Variants in FAT3 observed in about 807,000 individuals in gnomAD.
FAT3 encodes the protein protocadherin Fat 3.
FAT3 carries 95 observed loss-of-function variants against 310.2 expected under a neutral mutation model. The ratio of observed to expected loss-of-function variants is 0.31; its 90% CI spans 0.26 to 0.36. The LOEUF (loss-of-function observed/expected upper bound fraction) is 0.36. Ranked by LOEUF, FAT3 falls within the 10% of genes least tolerant of loss-of-function variation. The probability of loss-of-function intolerance (pLI) is 1.00; values close to 1 mark genes in which losing one functional copy is unlikely to be tolerated. For synonymous variants in FAT3, 2,314 were observed against 2,192.9 expected (o/e 1.06, Z -1.54); for missense variants, 5,408 against 5,715.6 (o/e 0.95, Z 1.74).
intron 3 of FAT3, among the ~76,000 whole-genome samples, chr11:92,671,520 C>G (rs1321480590): frequency 1.3e-5 from 2 of 151,984 alleles, no homozygotes; most frequent in Non-Finnish European, 2.9e-5. Flanking sequence ...TGTCCTTCTC[C>G]CAGGACTCAC....
At chr11:92,330,937 CTTG>C (rs1947902365) in intron 1 of FAT3, among the ~76,000 whole-genome samples, 1 of 146,614 alleles carries the variant, frequency 6.8e-6, no homozygotes, top group South Asian at 2.2e-4. Flanking sequence ...GAAGGGATTT[CTTG>C]TTAGGGAAAT....
chr11:92,232,096 C>T lies in FAT3; in HGVS notation c.-18+6922C>T, dbSNP rs867967833. Among the ~76,000 whole-genome samples, 4 of 151,978 alleles carry T rather than the reference C, an allele frequency of 2.6e-5. No homozygotes were observed. The South Asian group carries it at 6.2e-4, about 24-fold the overall frequency. On this transcript the variant is annotated intron_variant, in intron 1 of 27. Transcript: ENST00000525166. ...GTGTGTTATGTGATTCATGTGGTAC[C>T]GTCCCATGCTAGGGTGGATTTTGCA...
intron 3 of FAT3, among the ~76,000 whole-genome samples, chr11:92,686,970 A>G (rs1943652230): frequency 6.6e-6 from 1 of 152,170 alleles, no homozygotes; most frequent in South Asian, 2.1e-4. Context: ...ACAGAACTTT[A>G]GAGTGTTCAT....
chr11:92,856,885 T>G (rs1948992782), intron 19 of FAT3, among the ~76,000 whole-genome samples: 1 of 152,154 alleles, frequency 6.6e-6, no homozygotes, highest in East Asian at 1.9e-4. Context: ...AGCCCTTGCA[T>G]TGTGATCTTT....
intron 3 of FAT3, among the ~76,000 whole-genome samples, chr11:92,621,535 T>C (rs1232285355): frequency 6.6e-6 from 1 of 152,210 alleles, no homozygotes; most frequent in Non-Finnish European, 1.5e-5. Context: ...TGGCATAAAC[T>C]TCACTGTGTG....
chr11:92,696,774 G>A (rs1943952542), intron 3 of FAT3, among the ~76,000 whole-genome samples: 1 of 152,096 alleles, frequency 6.6e-6, no homozygotes, highest in Non-Finnish European at 1.5e-5. Context: ...AAACACCATT[G>A]GAAGAAAAGG....
chr11:92,261,077 T>A (rs1865533195), intron 1 of FAT3, among the ~76,000 whole-genome samples: 1 of 152,118 alleles, frequency 6.6e-6, no homozygotes, highest in South Asian at 2.1e-4. Flanking sequence ...TAAAATGCTG[T>A]GACAATGTAC....
intron 2 of FAT3, among the ~76,000 whole-genome samples, chr11:92,398,383 C>T (rs910024097): frequency 1.3e-5 from 2 of 151,730 alleles, no homozygotes; most frequent in Admixed American, 1.3e-4. Context: ...TGCCTGTAAT[C>T]CCAGCTACTT....
At chr11:92,439,340 C>G (rs1951017742) in intron 2 of FAT3, among the ~76,000 whole-genome samples, 1 of 152,118 alleles carries the variant, frequency 6.6e-6, no homozygotes, top group Admixed American at 6.5e-5. Flanking sequence ...CACTTACTTT[C>G]ATATTCCACA....
At chr11:92,623,435 G>A (rs1459442774) in intron 3 of FAT3, among the ~76,000 whole-genome samples, 2 of 152,140 alleles carry the variant, frequency 1.3e-5, no homozygotes, top group Non-Finnish European at 2.9e-5. Context: ...TTGACTTGAG[G>A]AACTGGTCTT....
At chr11:92,757,658 G>A (rs2511128) in intron 4 of FAT3, among the ~76,000 whole-genome samples, 62,862 of 152,058 alleles carry the variant, frequency 0.41, 14,883 homozygotes, top group South Asian at 0.64. Flanking sequence ...AAATGTGGCA[G>A]GGCAGATGAA....
chr11:92,837,339 A>G (rs1240160690), intron 16 of FAT3, among the ~76,000 whole-genome samples: 2 of 152,224 alleles, frequency 1.3e-5, no homozygotes, highest in Non-Finnish European at 2.9e-5. Flanking sequence ...GGTACTAACC[A>G]GGGTGGTTTT....
intron 3 of FAT3, among the ~76,000 whole-genome samples, chr11:92,559,025 A>C (rs1955123499): frequency 6.6e-6 from 1 of 152,166 alleles, no homozygotes; most frequent in Non-Finnish European, 1.5e-5. Flanking sequence ...TTGTCACAAC[A>C]ACCAATAAGG....
chr11:92,250,759 G>A (rs1444104380), intron 1 of FAT3, among the ~76,000 whole-genome samples: 7 of 152,094 alleles, frequency 4.6e-5, no homozygotes, highest in Admixed American at 3.3e-4. Flanking sequence ...GCTTGGGAAG[G>A]AGGTCTCTCA....
At chr11:92,886,240 G>A (rs1170207053) in intron 24 of FAT3, among the ~76,000 whole-genome samples, 1 of 152,034 alleles carries the variant, frequency 6.6e-6, no homozygotes, top group East Asian at 1.9e-4. Context: ...ACAATTTCTG[G>A]GCTACTAATT....
At chr11:92,738,903 C>T (rs1169849640) in intron 4 of FAT3, among the ~76,000 whole-genome samples, 3 of 152,144 alleles carry the variant, frequency 2.0e-5, no homozygotes, top group African/African-American at 4.8e-5. Flanking sequence ...AATGTGTTCA[C>T]AGATATTAAA....
chr11:92,676,298 A>G (rs1468624087), intron 3 of FAT3, among the ~76,000 whole-genome samples: 1 of 152,212 alleles, frequency 6.6e-6, no homozygotes, highest in East Asian at 1.9e-4. Flanking sequence ...GATGCTTTAT[A>G]TGTATGATCA....
chr11:92,243,350 A>G (rs1864745120), intron 1 of FAT3, among the ~76,000 whole-genome samples: 1 of 152,038 alleles, frequency 6.6e-6, no homozygotes, highest in African/African-American at 2.4e-5. Flanking sequence ...GAATGTGTGC[A>G]GGCGTCGGTG....
At position 92,774,213 on chromosome 11, in the gene FAT3, C is replaced by G. The variant is rs763288553; in HGVS notation, c.4335+33C>G. The G allele has an allele frequency of 1.9e-6, 3 of 1,566,526 alleles. No homozygotes were observed. In the South Asian group the frequency reaches 3.6e-5, roughly 19 times the overall value. On this transcript the variant is annotated intron_variant, in intron 7 of 27. Coordinates refer to ENST00000525166, the MANE Select transcript of FAT3 (RefSeq NM_001367949.2). ...GTTAAATTACTGAATAGCAGGAATGCTGAAAGAGCTGCCAAAGTCAGGGGT... is the reference window on the plus strand; with the variant it reads ...GTTAAATTACTGAATAGCAGGAATGGTGAAAGAGCTGCCAAAGTCAGGGGT...
Sources: allele counts gnomAD v4.1 joint callset (sites outside exome capture counted in the v4.1 genomes callset), GRCh38; gene constraint gnomAD v4.1.1; transcripts MANE v1.5; gene names NCBI Gene and HGNC (gene_info 2026-07-23, HGNC 2026-07-21).